DNMBP: variants seen among roughly 807,000 people sequenced by gnomAD.
DNMBP encodes dynamin binding protein.
In DNMBP, 87 loss-of-function variants were observed where a neutral mutation model predicts 150.0. The observed-to-expected ratio is 0.58, with a 90% CI of 0.49 to 0.69. The LOEUF (loss-of-function observed/expected upper bound fraction) is 0.69. Ranked by LOEUF, DNMBP falls within the 30% of genes least tolerant of loss-of-function variation. DNMBP has a pLI of 0.00. For missense variants in DNMBP, 1,774 were observed against 1,949.0 expected (o/e 0.91, Z 1.69); for synonymous variants, 711 against 750.4 (o/e 0.95, Z 0.86).
chr10:99,995,988 C>T (rs1044933537), intron 1 of DNMBP, among the ~76,000 whole-genome samples: 2 of 152,222 alleles, frequency 1.3e-5, no homozygotes, highest in African/African-American at 4.8e-5. Flanking sequence ...AATACATTAT[C>T]TCCTGTATGT....
intron 4 of DNMBP, among the ~76,000 whole-genome samples, chr10:99,920,695 C>T (rs192602848): frequency 3.3e-5 from 5 of 152,170 alleles, no homozygotes; most frequent in African/African-American, 4.8e-5. Flanking sequence ...ACTTCTCAGT[C>T]TTTTTTGTTT....
At chr10:99,963,277 C>T (rs933488807) in intron 3 of DNMBP, among the ~76,000 whole-genome samples, 2 of 151,076 alleles carry the variant, frequency 1.3e-5, no homozygotes, top group African/African-American at 4.9e-5. Flanking sequence ...TCATTTGTTG[C>T]CCAAGCTGGC....
At chr10:99,973,190 C>T (rs2040696522) in intron 1 of DNMBP, among the ~76,000 whole-genome samples, 1 of 152,162 alleles carries the variant, frequency 6.6e-6, no homozygotes, top group African/African-American at 2.4e-5. Flanking sequence ...TTTGGCCTCC[C>T]AAAGTGTTGG....
At chr10:99,891,107 A>T (rs934307973) in intron 11 of DNMBP, among the ~76,000 whole-genome samples, 1 of 152,194 alleles carries the variant, frequency 6.6e-6, no homozygotes, top group Non-Finnish European at 1.5e-5. Context: ...ACTTAAAAAA[A>T]GATTTTAAAA....
At position 99,880,905 on chromosome 10, in the gene DNMBP, A is replaced by C. The variant is rs532472524; in HGVS notation, c.3998-544T>G. 3.9e-5 allele frequency among the ~76,000 whole-genome samples: 6 copies of C among 152,284 alleles called. No individual in the cohort carries two copies. In the East Asian group the frequency reaches 1.2e-3, roughly 29 times the overall value. On this transcript the variant is annotated intron_variant, in intron 15 of 16. Coordinates refer to ENST00000324109, the MANE Select transcript of DNMBP (RefSeq NM_015221.4). ...GCTTGAGCCCAGTTCCCTGGTCAAC[A>C]CAGCGAGACTTCATCTCTATTTGAA...
chr10:99,898,846 ATGTGGG>A, intron 7 of DNMBP, 86 bp from the exon 8 acceptor site: 1 of 1,273,346 alleles, frequency 7.9e-7, no homozygotes, highest in Admixed American at 1.9e-5. Flanking sequence ...AACATAAATC[ATGTGGG>A]ACAAAAAATT....
chr10:99,888,583 T>C (rs1336697190), intron 12 of DNMBP, among the ~76,000 whole-genome samples: 1 of 151,898 alleles, frequency 6.6e-6, no homozygotes, highest in East Asian at 1.9e-4. Flanking sequence ...CTTTGTCCTC[T>C]GAAACTAAAT....
chr10:99,978,080 G>A (rs375156420), intron 1 of DNMBP, among the ~76,000 whole-genome samples: 7 of 152,196 alleles, frequency 4.6e-5, no homozygotes, highest in South Asian at 4.2e-4. Context: ...AAATCCTCAC[G>A]ACTCCGCAAG....
intron 4 of DNMBP, among the ~76,000 whole-genome samples, chr10:99,917,958 G>C (rs982581228): frequency 2.5e-5 from 3 of 120,442 alleles, no homozygotes; most frequent in African/African-American, 9.9e-5. Flanking sequence ...GATGGAGTAA[G>C]ACTCTGTCTC....
At chr10:99,891,773 TCTCTGCC>T (rs1482619435) in intron 11 of DNMBP, among the ~76,000 whole-genome samples, 1 of 145,450 alleles carries the variant, frequency 6.9e-6, no homozygotes, top group Non-Finnish European at 1.5e-5. Flanking sequence ...GTGAGGAGCG[TCTCTGCC>T]CGGCCGCCCA....
chr10:99,933,755 G>C (rs147202607), intron 4 of DNMBP, among the ~76,000 whole-genome samples: 1 of 151,130 alleles, frequency 6.6e-6, no homozygotes, highest in Non-Finnish European at 1.5e-5. Context: ...GTTTTTTTTT[G>C]AGACGGAGTC....
At position 99,884,042 on chromosome 10, in the gene DNMBP, G is replaced by T. The variant is rs758075996; in HGVS notation, c.3966C>A (p.Gly1322=). The part of the protein sequence containing the change: ...VGVIKKKDPM[G]SQNRWLIDNG... ...TGTCAATCAGCCAGCGGTTCTGGCTGCCCATGGGGTCTTTTTTCTTAATCA... is the reference window on the plus strand; with the variant it reads ...TGTCAATCAGCCAGCGGTTCTGGCTTCCCATGGGGTCTTTTTTCTTAATCA... The change falls in exon 15 of 17, where the codon GGC becomes GGA. Residue 1322 remains glycine (G), a synonymous_variant. Coordinates refer to ENST00000324109, the MANE Select transcript of DNMBP (RefSeq NM_015221.4). The T allele has an allele frequency of 6.2e-7, 1 of 1,613,944 alleles. No homozygotes were observed. Among genetic ancestry groups the T allele is most frequent in the Middle Eastern group, 1.7e-4 (1 of 6,060 alleles).
chr10:99,877,841 G>A (rs754955684), intron 16 of DNMBP, among the ~76,000 whole-genome samples: 14 of 152,236 alleles, frequency 9.2e-5, no homozygotes, highest in Non-Finnish European at 1.8e-4. Flanking sequence ...TCCAGACCCT[G>A]GGCGACAGAG....
At chr10:99,945,742 T>A (rs1294800020) in intron 4 of DNMBP, among the ~76,000 whole-genome samples, 1 of 152,196 alleles carries the variant, frequency 6.6e-6, no homozygotes, top group Non-Finnish European at 1.5e-5. Context: ...TTATAAATGT[T>A]TTAACAGAAG....
At chr10:99,946,799 A>T (rs1247358362) in intron 4 of DNMBP, among the ~76,000 whole-genome samples, 1 of 152,172 alleles carries the variant, frequency 6.6e-6, no homozygotes. Flanking sequence ...CAGACAACCT[A>T]CAGACTGGGA....
At chr10:99,948,975 A>AATAC (rs1191970917) in intron 4 of DNMBP, among the ~76,000 whole-genome samples, 22 of 144,552 alleles carry the variant, frequency 1.5e-4, no homozygotes, top group Non-Finnish European at 1.5e-4. Context: ...AAAATAAATA[A>AATAC]ATAAATAAAT....
intron 4 of DNMBP, chr10:99,931,059 C>A: frequency 3.2e-6 from 1 of 309,418 alleles, no homozygotes. Context: ...TCAAGCTGGT[C>A]AAACTGGCTT....
intron 1 of DNMBP, among the ~76,000 whole-genome samples, chr10:99,997,022 A>C (rs534353356): frequency 6.6e-6 from 1 of 152,376 alleles, no homozygotes; most frequent in Non-Finnish European, 1.5e-5. Flanking sequence ...GATGAGTGTT[A>C]TGTTCCACAG....
intron 12 of DNMBP, among the ~76,000 whole-genome samples, chr10:99,888,107 G>A (rs1246416721): frequency 6.6e-6 from 1 of 152,066 alleles, no homozygotes; most frequent in Non-Finnish European, 1.5e-5. Flanking sequence ...AGAGGCGTGA[G>A]CCACCATGCC....
Sources: allele counts gnomAD v4.1 joint callset (sites outside exome capture counted in the v4.1 genomes callset), GRCh38; gene constraint gnomAD v4.1.1; transcripts MANE v1.5; gene names NCBI Gene and HGNC (gene_info 2026-07-23, HGNC 2026-07-21).